Variants in CACNA1C observed in about 807,000 individuals in gnomAD.
CACNA1C encodes the protein calcium voltage-gated channel subunit alpha1 C.
CACNA1C carries 30 observed loss-of-function variants against 229.0 expected under a neutral mutation model. That is an observed-to-expected ratio of 0.13 (90% CI 0.10 to 0.18). CACNA1C has a LOEUF of 0.18. Among genes scored for constraint, CACNA1C ranks in the 10% least tolerant of loss-of-function variants. CACNA1C has a pLI of 1.00. For synonymous variants in CACNA1C, 1,114 were observed against 1,132.5 expected (o/e 0.98, Z 0.33); for missense variants, 1,658 against 2,845.0 (o/e 0.58, Z 9.49).
intron 1 of CACNA1C, among the ~76,000 whole-genome samples, chr12:2,094,020 A>G (rs1430838762): frequency 6.6e-6 from 1 of 152,256 alleles, no homozygotes; most frequent in Non-Finnish European, 1.5e-5. Context: ...ACCTTGAGAA[A>G]GATGCTGCTG....
rs59068153 is a variant in CACNA1C at position 2,646,768 on chromosome 12, A to AAGAGAGAG, written c.3913-1692_3913-1685dup. On this transcript the variant is annotated intron_variant, in intron 30 of 46. Transcript: ENST00000399655. This position sits in a 1 kb window ranked among gnomAD's most constrained non-coding sequence, Gnocchi z 4.6. The stretch of plus-strand genomic sequence containing the variant: ...TGCCTGTATGAGAGAGAGAGAGAGA[A>AAGAGAGAG]AGAGAGAGAGAGAGAGAGAGAGTGT... Among the ~76,000 whole-genome samples the AAGAGAGAG allele has an allele frequency of 3.6e-3, 524 of 146,594 alleles. 3 individuals are homozygous for AAGAGAGAG. The highest frequency in any genetic ancestry group is 0.012 in the African/African-American group (483 of 40,242).
In CACNA1C at chr12:2,491,834, G is replaced by A. The variant is rs144771009; in HGVS notation, c.917-1356G>A. Among the ~76,000 whole-genome samples, 109 of 152,280 alleles carry A rather than the reference G, an allele frequency of 7.2e-4. 1 individual carries two copies. In the East Asian group the frequency reaches 0.017, roughly 24 times the overall value. On this transcript the variant is annotated intron_variant, in intron 6 of 46. Transcript: ENST00000399655. Reference sequence around the variant, plus strand: ...GCCACCGACTGAGAATCAGCCCACCGGCCAGTCCTGTTCAATGCACAGCCT... The same window carrying A: ...GCCACCGACTGAGAATCAGCCCACCAGCCAGTCCTGTTCAATGCACAGCCT...
chr12:2,264,799 G>A (rs2154406985), intron 3 of CACNA1C, among the ~76,000 whole-genome samples: 1 of 152,282 alleles, frequency 6.6e-6, no homozygotes, highest in Admixed American at 6.5e-5. Flanking sequence ...CCCCCCTTTG[G>A]CTTTGCTATT....
At chr12:2,130,142 T>C (rs1043922454) in intron 3 of CACNA1C, among the ~76,000 whole-genome samples, 7 of 151,452 alleles carry the variant, frequency 4.6e-5, no homozygotes, top group African/African-American at 1.7e-4. Flanking sequence ...CATTGCTCTA[T>C]GGTCCGTGTG....
At chr12:2,259,392 C>T (rs1487261953) in intron 3 of CACNA1C, among the ~76,000 whole-genome samples, 1 of 152,050 alleles carries the variant, frequency 6.6e-6, no homozygotes. Context: ...TTAAAACATC[C>T]CTGAGTGAAT....
rs778856101 is a variant in CACNA1C at position 2,677,792 on chromosome 12, T to G, written c.5016T>G (p.Asp1672Glu). The G allele has an allele frequency of 2.5e-6, 4 of 1,613,826 alleles. No homozygotes were observed. Among genetic ancestry groups the G allele is most frequent in the African/African-American group, 2.7e-5 (2 of 74,912 alleles). The change falls in exon 41 of 47, where the codon GAT (aspartate) becomes GAG (glutamate). Residue 1672 changes from aspartate to glutamate, a missense_variant. Coordinates refer to ENST00000399655, the MANE Select transcript of CACNA1C (RefSeq NM_000719.7). This position sits in a 1 kb window ranked among gnomAD's most constrained non-coding sequence, Gnocchi z 7.4. ...GPEIRRAISG[D>E]LTAEEELDKA... ...AGATCCGACGGGCCATCTCTGGAGA[T>G]CTCACCGCTGAGGAGGAGCTGGACA...
chr12:2,454,852 T>C (rs2099407120), intron 4 of CACNA1C, among the ~76,000 whole-genome samples: 1 of 152,156 alleles, frequency 6.6e-6, no homozygotes, highest in South Asian at 2.1e-4. Context: ...CCAGTTCCCT[T>C]AGAAAGATGC....
Position 2,457,786 on chromosome 12 carries a change from C to T in CACNA1C, c.757+80C>T, listed in dbSNP as rs1462028889. ...CCTTTGCTGAATTGCCAAGAACACTCTGCAAAGGGACCTGATTCCATATAA... is the reference window on the plus strand; with the variant it reads ...CCTTTGCTGAATTGCCAAGAACACTTTGCAAAGGGACCTGATTCCATATAA... On this transcript the variant is annotated intron_variant, in intron 5 of 46. Transcript: ENST00000399655. 4.0e-6 allele frequency: 5 copies of T among 1,242,158 alleles called. No individual in the cohort carries two copies. In the African/African-American group the frequency reaches 4.6e-5, roughly 11 times the overall value. The allele number at this position is 1,242,158 out of a possible 1,614,324, so 76.9% of individuals were successfully genotyped here. A position where few individuals can be genotyped will look rare whatever the true frequency, so the allele number is the denominator to read the frequency against.
chr12:2,559,570 C>G (rs111391464), intron 11 of CACNA1C, among the ~76,000 whole-genome samples: 2 of 152,200 alleles, frequency 1.3e-5, no homozygotes, highest in African/African-American at 4.8e-5. Context: ...GTAATGCGGA[C>G]GGCAGATTTT....
At chr12:2,163,404 C>T (rs904717715) in intron 3 of CACNA1C, among the ~76,000 whole-genome samples, 1 of 151,740 alleles carries the variant, frequency 6.6e-6, no homozygotes, top group Non-Finnish European at 1.5e-5. Context: ...ATGGCCAAGG[C>T]AGGGTGTAAT....
At chr12:2,418,362 A>G (rs2154555397) in intron 3 of CACNA1C, among the ~76,000 whole-genome samples, 1 of 152,340 alleles carries the variant, frequency 6.6e-6, no homozygotes, top group East Asian at 1.9e-4. Context: ...TGGGTTGTGC[A>G]GTAAGGTGTG....
intron 38 of CACNA1C, among the ~76,000 whole-genome samples, chr12:2,669,617 T>G (rs1018454817): frequency 3.3e-5 from 5 of 152,186 alleles, no homozygotes; most frequent in Non-Finnish European, 5.9e-5. Flanking sequence ...TGGCTACAGG[T>G]GGGTGTCTCA....
chr12:2,424,690 T>C (rs1229626343), intron 3 of CACNA1C, among the ~76,000 whole-genome samples: 2 of 152,142 alleles, frequency 1.3e-5, no homozygotes, highest in Non-Finnish European at 2.9e-5. Flanking sequence ...TCCAGGACCC[T>C]TCTGCCTGCC....
chr12:2,633,201 C>G lies in CACNA1C; in HGVS notation c.3829-1096C>G, dbSNP rs1247292392. Among the ~76,000 whole-genome samples the G allele has an allele frequency of 6.6e-6, 1 of 152,186 alleles. No homozygotes were observed. Among genetic ancestry groups the G allele is most frequent in the Non-Finnish European group, 1.5e-5 (1 of 68,034 alleles). ...CTCTGAGGGGTCACACACCTGTGTT[C>G]CCTCCCTCCAGACAGGCCCTTCTGC... is the stretch of plus-strand genomic sequence containing the variant. On this transcript the variant is annotated intron_variant, in intron 29 of 46. Coordinates refer to ENST00000399655, the MANE Select transcript of CACNA1C (RefSeq NM_000719.7). The surrounding 1 kb of genome is among the most constrained non-coding windows in gnomAD (Gnocchi z 5.8).
At chr12:2,364,805 A>G (rs2283304) in intron 3 of CACNA1C, among the ~76,000 whole-genome samples, 47,543 of 152,078 alleles carry the variant, frequency 0.31, 8,304 homozygotes, top group Non-Finnish European at 0.4. Context: ...CACGGAGGTC[A>G]GCCACAGACA....
chr12:2,538,108 CT>C (rs2099860296), intron 9 of CACNA1C, among the ~76,000 whole-genome samples: 1 of 152,172 alleles, frequency 6.6e-6, no homozygotes, highest in East Asian at 1.9e-4. Context: ...CACAGTAACC[CT>C]GGCTTTCTTC....
In CACNA1C at chr12:2,437,217, G is replaced by C. The variant is rs144935423; in HGVS notation, c.478-11759G>C. 3.0e-3 allele frequency among the ~76,000 whole-genome samples: 464 copies of C among 152,388 alleles called. 5 individuals carry two copies. Among genetic ancestry groups the C allele is most frequent in the African/African-American group, 0.011 (443 of 41,592 alleles). On this transcript the variant is annotated intron_variant, in intron 3 of 46. Coordinates refer to ENST00000399655, the MANE Select transcript of CACNA1C (RefSeq NM_000719.7). Reference sequence around the variant, plus strand: ...GGTGCTCCTCATAAGGTGGTGACCAGGTCTGACAGGCAGTGGGAAGAAAGT... The same window carrying C: ...GGTGCTCCTCATAAGGTGGTGACCACGTCTGACAGGCAGTGGGAAGAAAGT...
At chr12:2,515,741 G>A (rs1213752627) in intron 9 of CACNA1C, among the ~76,000 whole-genome samples, 1 of 152,138 alleles carries the variant, frequency 6.6e-6, no homozygotes, top group Non-Finnish European at 1.5e-5. Flanking sequence ...GTTTCCTTAG[G>A]GAAAGCTGCA....
chr12:2,401,518 A>ATT (rs2098677549), intron 3 of CACNA1C, among the ~76,000 whole-genome samples: 1 of 152,222 alleles, frequency 6.6e-6, no homozygotes, highest in African/African-American at 2.4e-5. Flanking sequence ...AGAGTATAAC[A>ATT]TTATAGAGCT....
Sources: gnomAD v4.1 joint callset for allele counts (sites outside exome capture counted in the v4.1 genomes callset) on GRCh38, gnomAD v4.1.1 for gene constraint, Gnocchi (gnomAD v3.1) non-coding constraint, MANE v1.5 for transcripts, NCBI Gene and HGNC (gene_info 2026-07-23, HGNC 2026-07-21) for gene names.